The following COL25A1 variants were observed in gnomAD, a reference collection of about 807,000 sequenced individuals.
The protein encoded by COL25A1 is collagen alpha-1(XXV) chain.
In COL25A1, 103 loss-of-function variants were observed where a neutral mutation model predicts 128.4. The ratio of observed to expected loss-of-function variants is 0.80; its 90% CI spans 0.68 to 0.94. COL25A1 has a LOEUF of 0.94. Among genes scored for constraint, COL25A1 ranks in the 40% least tolerant of loss-of-function variants. The probability of loss-of-function intolerance (pLI) is 0.00; values close to 1 mark genes in which losing one functional copy is unlikely to be tolerated. For synonymous variants in COL25A1, 279 were observed against 277.2 expected (o/e 1.01, Z -0.06); for missense variants, 745 against 840.0 (o/e 0.89, Z 1.40).
chr4:109,113,227 C>A (rs1260012784), intron 3 of COL25A1, among the ~76,000 whole-genome samples: 3 of 152,102 alleles, frequency 2.0e-5, no homozygotes, highest in East Asian at 1.9e-4. Context: ...GGTTCTTTAA[C>A]CCCCTGATGA....
At chr4:108,958,149 C>CA (rs896967276) in intron 8 of COL25A1, among the ~76,000 whole-genome samples, 8 of 151,276 alleles carry the variant, frequency 5.3e-5, no homozygotes, top group African/African-American at 1.5e-4. Flanking sequence ...TGGACACAAA[C>CA]AAAAAAAAAT....
intron 6 of COL25A1, among the ~76,000 whole-genome samples, chr4:108,977,806 C>T (rs900573135): frequency 4.6e-5 from 7 of 152,110 alleles, no homozygotes; most frequent in African/African-American, 1.4e-4. Flanking sequence ...TAAGAAAAAA[C>T]GACCTCTACA....
intron 3 of COL25A1, among the ~76,000 whole-genome samples, chr4:109,225,526 AT>A (rs1778744087): frequency 6.6e-6 from 1 of 152,204 alleles, no homozygotes; most frequent in Non-Finnish European, 1.5e-5. Flanking sequence ...TACCGCCTCT[AT>A]GGAAAACAGT....
intron 24 of COL25A1, 140 bp from the exon 25 acceptor site, chr4:108,853,065 AC>A: frequency 1.5e-6 from 1 of 661,546 alleles, no homozygotes; most frequent in Non-Finnish European, 2.6e-6. Context: ...GATACTGAGA[AC>A]ATATTACCCT....
At chr4:109,083,487 G>C (rs1764057774) in intron 3 of COL25A1, among the ~76,000 whole-genome samples, 1 of 103,026 alleles carries the variant, frequency 9.7e-6, no homozygotes, top group South Asian at 3.3e-4. Context: ...TTTTGAGACG[G>C]AGTCTCGCTC....
At chr4:109,066,794 CTAGGACTA>C (rs1762489803) in intron 3 of COL25A1, among the ~76,000 whole-genome samples, 1 of 152,112 alleles carries the variant, frequency 6.6e-6, no homozygotes, top group Non-Finnish European at 1.5e-5. Flanking sequence ...TCCCATGTAG[CTAGGACTA>C]CAGGTGCATG....
At chr4:109,208,451 A>AT (rs888087153) in intron 3 of COL25A1, among the ~76,000 whole-genome samples, 117 of 149,096 alleles carry the variant, frequency 7.8e-4, no homozygotes, top group African/African-American at 2.4e-3. Flanking sequence ...TGAAGGGAAC[A>AT]TTTTTTTTCC....
intron 5 of COL25A1, among the ~76,000 whole-genome samples, chr4:109,047,317 C>T (rs1760517315): frequency 2.0e-5 from 3 of 152,192 alleles, no homozygotes; most frequent in Admixed American, 1.3e-4. Flanking sequence ...GATTTAAAAT[C>T]AGAATCTTCA....
At chr4:109,184,391 A>C (rs1774949787) in intron 3 of COL25A1, among the ~76,000 whole-genome samples, 1 of 152,146 alleles carries the variant, frequency 6.6e-6, no homozygotes, top group East Asian at 1.9e-4. Flanking sequence ...CATTTCCTGA[A>C]TCTGTAATGA....
intron 36 of COL25A1, among the ~76,000 whole-genome samples, chr4:108,818,806 G>A (rs1321159206): frequency 6.6e-6 from 1 of 151,812 alleles, no homozygotes; most frequent in Non-Finnish European, 1.5e-5. Context: ...GAATTCCGTA[G>A]GTTGGGCCTT....
intron 13 of COL25A1, among the ~76,000 whole-genome samples, chr4:108,915,733 T>A (rs920375542): frequency 6.6e-5 from 10 of 152,138 alleles, no homozygotes; most frequent in African/African-American, 2.4e-4. Flanking sequence ...AATTATATCC[T>A]CCCCTAACCA....
rs753129288 is a variant in COL25A1 at position 108,934,043 on chromosome 4, A to C, written c.708+3765T>G. Among the ~76,000 whole-genome samples the C allele has an allele frequency of 4.6e-5, 7 of 152,198 alleles. No individual in the cohort carries two copies. In the South Asian group the frequency reaches 6.2e-4, roughly 14 times the overall value. ...TAAAGACACATACACACGTATATTT[A>C]TTGCGGTACTATTCACAATAGCAAA... On this transcript the variant is annotated intron_variant, in intron 11 of 37. Coordinates refer to ENST00000399132, the MANE Select transcript of COL25A1 (RefSeq NM_198721.4).
chr4:108,988,668 C>G (rs367589492), intron 6 of COL25A1, among the ~76,000 whole-genome samples: 35 of 152,212 alleles, frequency 2.3e-4, no homozygotes, highest in African/African-American at 7.7e-4. Flanking sequence ...TTACTCCCCC[C>G]ACATTTTCAA....
chr4:109,046,221 T>C (rs976723211), intron 5 of COL25A1, among the ~76,000 whole-genome samples: 2 of 152,206 alleles, frequency 1.3e-5, no homozygotes, highest in African/African-American at 4.8e-5. Flanking sequence ...ACATGTAAAG[T>C]ACCTAGAATA....
chr4:108,854,287 C>A (rs1488821063), intron 24 of COL25A1, among the ~76,000 whole-genome samples: 1 of 152,042 alleles, frequency 6.6e-6, no homozygotes, highest in African/African-American at 2.4e-5. Flanking sequence ...CTAGGCAATA[C>A]CATTCAGGTC....
At chr4:108,891,901 G>A (rs1741549726) in intron 16 of COL25A1, among the ~76,000 whole-genome samples, 2 of 151,990 alleles carry the variant, frequency 1.3e-5, no homozygotes, top group South Asian at 2.1e-4. Flanking sequence ...ATAAAAAGTG[G>A]ATGGAAAGAA....
chr4:109,123,070 T>C (rs190777395), intron 3 of COL25A1, among the ~76,000 whole-genome samples: 292 of 152,192 alleles, frequency 1.9e-3, no homozygotes, highest in African/African-American at 6.7e-3. Flanking sequence ...GAGAATCAAA[T>C]ATCCTGCAAA....
At chr4:109,049,736 C>A (rs1760806020) in intron 4 of COL25A1, among the ~76,000 whole-genome samples, 1 of 152,162 alleles carries the variant, frequency 6.6e-6, no homozygotes, top group African/African-American at 2.4e-5. Context: ...GCCCTAGTGT[C>A]CCAAGGCAGA....
chr4:109,047,270 T>C (rs1760514406), intron 5 of COL25A1, among the ~76,000 whole-genome samples: 1 of 152,114 alleles, frequency 6.6e-6, no homozygotes, highest in African/African-American at 2.4e-5. Context: ...AGCTTGGAGA[T>C]TTGCTTGCAA....
Sources: gnomAD v4.1 joint callset for allele counts (sites outside exome capture counted in the v4.1 genomes callset) on GRCh38, gnomAD v4.1.1 for gene constraint, MANE v1.5 for transcripts, NCBI Gene and HGNC (gene_info 2026-07-23, HGNC 2026-07-21) for gene names.